MTMR12: variants seen among roughly 807,000 people sequenced by gnomAD.
MTMR12 encodes the protein myotubularin-related protein 12.
MTMR12 carries 33 observed loss-of-function variants against 96.7 expected under a neutral mutation model. The ratio of observed to expected loss-of-function variants is 0.34; its 90% CI spans 0.26 to 0.46. The LOEUF (loss-of-function observed/expected upper bound fraction) is 0.46, where lower values mean the gene tolerates loss of function less well. Among genes scored for constraint, MTMR12 ranks in the 20% least tolerant of loss-of-function variants. The probability of loss-of-function intolerance (pLI) is 1.00; values close to 1 mark genes in which losing one functional copy is unlikely to be tolerated. For missense variants in MTMR12, 721 were observed against 896.1 expected (o/e 0.80, Z 2.49); for synonymous variants, 298 against 327.2 (o/e 0.91, Z 0.96).
At chr5:32,289,425 C>G (rs1750662643) in intron 1 of MTMR12, among the ~76,000 whole-genome samples, 1 of 152,178 alleles carries the variant, frequency 6.6e-6, no homozygotes, top group South Asian at 2.1e-4. Flanking sequence ...AGGACCCCAC[C>G]ACATTACCAA....
intron 2 of MTMR12, among the ~76,000 whole-genome samples, chr5:32,274,458 T>G (rs1005783833): frequency 6.6e-6 from 1 of 152,164 alleles, no homozygotes; most frequent in African/African-American, 2.4e-5. Context: ...TTTCATTACT[T>G]TGACCCAAGC....
intron 1 of MTMR12, among the ~76,000 whole-genome samples, chr5:32,288,623 A>C (rs1405449206): frequency 6.6e-6 from 1 of 152,240 alleles, no homozygotes; most frequent in Non-Finnish European, 1.5e-5. Flanking sequence ...GTATAGGATA[A>C]TGGTAGAAGG....
intron 10 of MTMR12, among the ~76,000 whole-genome samples, chr5:32,246,170 G>GGTTTTTTTTTTTGTTTTTTTTT (rs1554056246): frequency 1.2e-5 from 1 of 82,772 alleles, no homozygotes; most frequent in Non-Finnish European, 2.7e-5. Context: ...TGAGTAGACA[G>GGTTTTTTTTTTTGTTTTTTTTT]TTTTTTTTTT....
At position 32,263,211 on chromosome 5, in the gene MTMR12, A is replaced by G; in HGVS notation, c.615T>C (p.Phe205=). ...CCCAACACCAGTCCTTAAGTGTGTCAAACATTACGGTATGGTTCTTGGGAT... is the reference window on the plus strand; with the variant it reads ...CCCAACACCAGTCCTTAAGTGTGTCGAACATTACGGTATGGTTCTTGGGAT... The part of the protein sequence containing the change: ...VTDPKNHTVM[F]DTLKDWCWEL... The change falls in exon 7 of 16, where the codon TTT becomes TTC. Residue 205 remains phenylalanine, a synonymous_variant. Coordinates refer to ENST00000382142, the MANE Select transcript of MTMR12 (RefSeq NM_001040446.3). The G allele has an allele frequency of 6.2e-7, 1 of 1,614,148 alleles. No homozygotes were observed. Among genetic ancestry groups the G allele is most frequent in the Non-Finnish European group, 8.5e-7 (1 of 1,179,996 alleles).
rs544300417 is a variant in MTMR12, at chr5:32,252,528, T to C, written c.789+3165A>G. Reference sequence around the variant, plus strand: ...AGGTCCTAGAGAAAATGTATGTACATGCAATCTTGCAGATCAGTGGTTCTC... The same window carrying C: ...AGGTCCTAGAGAAAATGTATGTACACGCAATCTTGCAGATCAGTGGTTCTC... On this transcript the variant is annotated intron_variant, in intron 8 of 15. Transcript: ENST00000382142. Among the ~76,000 whole-genome samples, 19 of 152,372 alleles carry C rather than the reference T, an allele frequency of 1.2e-4. No homozygotes were observed. The South Asian group carries it at 2.3e-3, about 18-fold the overall frequency.
At chr5:32,277,231 G>T (rs1334065379) in intron 1 of MTMR12, among the ~76,000 whole-genome samples, 1 of 152,106 alleles carries the variant, frequency 6.6e-6, no homozygotes, top group East Asian at 1.9e-4. Flanking sequence ...ACTAAAGGAA[G>T]ACAGAAAACT....
chr5:32,304,780 G>C (rs142814437), intron 1 of MTMR12, among the ~76,000 whole-genome samples: 3,069 of 152,294 alleles, frequency 0.02, 54 homozygotes, highest in Non-Finnish European at 0.028. Context: ...TCAGGCTGCA[G>C]GAAGTGCTGC....
chr5:32,269,586 T>C (rs1340690812), intron 5 of MTMR12, among the ~76,000 whole-genome samples: 2 of 152,204 alleles, frequency 1.3e-5, no homozygotes, highest in African/African-American at 2.4e-5. Context: ...ATTGCAGGCA[T>C]TGGCCACCGT....
Position 32,263,161 on chromosome 5 carries a change from A to G in MTMR12, c.665T>C (p.Met222Thr). Residue 222 changes from methionine to threonine, a missense_variant, in exon 7 of 16, where the codon ATG becomes ACG. Coordinates refer to ENST00000382142, the MANE Select transcript of MTMR12 (RefSeq NM_001040446.3). ...GTTGACACTCACTGCTTTGTACTTCATGTTGCCTTTGGTCCGTTCCAGTTC... is the reference window on the plus strand; with the variant it reads ...GTTGACACTCACTGCTTTGTACTTCGTGTTGCCTTTGGTCCGTTCCAGTTC... ...CWELERTKGN[M>T]KYKAVSVNEG... is the part of the protein sequence containing the mutation. 6.2e-7 allele frequency: 1 copy of G among 1,614,178 alleles called. No individual in the cohort carries two copies. Among genetic ancestry groups the G allele is most frequent in the South Asian group, 1.1e-5 (1 of 91,078 alleles).
chr5:32,288,562 A>C (rs1750631907), intron 1 of MTMR12, among the ~76,000 whole-genome samples: 1 of 152,204 alleles, frequency 6.6e-6, no homozygotes, highest in Non-Finnish European at 1.5e-5. Context: ...TGAGTTCTCT[A>C]ATTTATATAA....
At chr5:32,246,473 C>T (rs1029888396) in intron 10 of MTMR12, among the ~76,000 whole-genome samples, 6 of 152,104 alleles carry the variant, frequency 3.9e-5, no homozygotes. Context: ...TAGGTTTGCT[C>T]AACTTTATCC....
In MTMR12 at chr5:32,235,140, A is replaced by G. The variant is rs1466055517; in HGVS notation, c.1345-11T>C. On this transcript the variant is annotated splice_polypyrimidine_tract_variant and intron_variant, in intron 13 of 15. Transcript: ENST00000382142. ...CAGGAACACAGGAACCTGCATGAAA[A>G]CAAGATACGTTACTTGGTGGGCAGA... 1.2e-6 allele frequency: 2 copies of G among 1,608,684 alleles called. No individual in the cohort carries two copies. The highest frequency in any genetic ancestry group is 4.5e-5 in the East Asian group (2 of 44,852).
Position 32,235,192 on chromosome 5 carries a change from G to C in MTMR12, c.1345-63C>G, listed in dbSNP as rs1748167879. On this transcript the variant is annotated intron_variant, in intron 13 of 15. Coordinates refer to ENST00000382142, the MANE Select transcript of MTMR12 (RefSeq NM_001040446.3). ...CCCAGAGCAAGCCATCCTGAGTTCA[G>C]GGGGCAGCCACCTCAACAGCTGTGG... 2.7e-6 allele frequency: 4 copies of C among 1,498,392 alleles called. No homozygotes were observed. The Admixed American group carries it at 6.3e-5, about 24-fold the overall frequency. The allele number at this position is 1,498,392 out of a possible 1,614,324, so 92.8% of individuals were successfully genotyped here.
At chr5:32,231,450 C>T (rs1027254673) in intron 15 of MTMR12, among the ~76,000 whole-genome samples, 5 of 150,348 alleles carry the variant, frequency 3.3e-5, no homozygotes, top group African/African-American at 1.2e-4. Context: ...TTCCCCAGTG[C>T]CCAAAGCAGA....
intron 9 of MTMR12, 46 bp downstream of exon 9, chr5:32,248,726 G>A (rs2112022084): frequency 6.8e-7 from 1 of 1,477,678 alleles, no homozygotes; most frequent in Admixed American, 1.7e-5. Context: ...CCTGCTTCTT[G>A]GAAAACAAGA....
chr5:32,287,227 G>A (rs1014078423), intron 1 of MTMR12, among the ~76,000 whole-genome samples: 19 of 152,320 alleles, frequency 1.2e-4, no homozygotes, highest in African/African-American at 4.1e-4. Flanking sequence ...GTGGCTGTGA[G>A]TGTTGCCAAA....
chr5:32,265,843 A>G (rs575457748), intron 6 of MTMR12, among the ~76,000 whole-genome samples: 5 of 152,212 alleles, frequency 3.3e-5, no homozygotes, highest in Non-Finnish European at 5.9e-5. Context: ...TATTGCTGCT[A>G]TTTTTAAAAT....
chr5:32,248,724 T>C (rs1209660935), intron 9 of MTMR12, 48 bp downstream of exon 9: 13 of 1,471,650 alleles, frequency 8.8e-6, no homozygotes, highest in Non-Finnish European at 1.2e-5. Flanking sequence ...TCCCTGCTTC[T>C]TGGAAAACAA....
chr5:32,276,454 A>G (rs565686912), intron 2 of MTMR12, among the ~76,000 whole-genome samples: 1 of 152,342 alleles, frequency 6.6e-6, no homozygotes, highest in African/African-American at 2.4e-5. Flanking sequence ...GTTTATTTTC[A>G]TCAGTTTGGG....
Sources: allele counts gnomAD v4.1 joint callset (sites outside exome capture counted in the v4.1 genomes callset), GRCh38; gene constraint gnomAD v4.1.1; transcripts MANE v1.5; gene names NCBI Gene and HGNC (gene_info 2026-07-23, HGNC 2026-07-21).